Variants in FANK1 observed in about 807,000 individuals in gnomAD.
FANK1 encodes fibronectin type III and ankyrin repeat domains 1.
In FANK1, 44 loss-of-function variants were observed where a neutral mutation model predicts 45.3. The observed-to-expected ratio is 0.97, with a 90% CI of 0.76 to 1.25. FANK1 has a LOEUF of 1.25. Ranked by LOEUF, FANK1 falls within the 50% of genes most tolerant of loss-of-function variation. The probability of loss-of-function intolerance (pLI) is 0.00; values close to 1 mark genes in which losing one functional copy is unlikely to be tolerated. For synonymous variants in FANK1, 149 were observed against 152.5 expected, an observed-to-expected ratio of 0.98 and a Z score of 0.17; for missense variants, 391 against 424.4, an observed-to-expected ratio of 0.92 and a Z score of 0.69.
At chr10:125,965,106 A>G (rs949551425) in intron 1 of FANK1, among the ~76,000 whole-genome samples, 1 of 152,180 alleles carries the variant, frequency 6.6e-6, no homozygotes, top group African/African-American at 2.4e-5. Flanking sequence ...TGTGGCGAGC[A>G]GAGCCAAGAT....
In FANK1 at chr10:126,009,221, G is replaced by A; in HGVS notation, c.928-1G>A. On this transcript the variant is annotated splice_acceptor_variant, in intron 9 of 10. Coordinates refer to ENST00000368693, the MANE Select transcript of FANK1 (RefSeq NM_145235.5). LOFTEE classifies it high-confidence loss of function. The stretch of plus-strand genomic sequence containing the variant: ...AAAATTTTTGTTGTTTCCTGTTTCA[G>A]TTCGGCAAAGGTGTCCTAGAAATGG... 6.2e-7 allele frequency: 1 copy of A among 1,614,174 alleles called. No homozygotes were observed.
intron 1 of FANK1, among the ~76,000 whole-genome samples, chr10:125,957,966 G>C (rs1949686371): frequency 1.3e-5 from 2 of 151,814 alleles, no homozygotes; most frequent in Non-Finnish European, 2.9e-5. Context: ...ATATTTATGG[G>C]GTATATAGTG....
intron 1 of FANK1, among the ~76,000 whole-genome samples, chr10:125,960,843 A>T (rs777919511): frequency 6.6e-6 from 1 of 152,168 alleles, no homozygotes; most frequent in Non-Finnish European, 1.5e-5. Context: ...GCCTCAATGC[A>T]GTCTTTATCA....
In FANK1 at chr10:125,950,254, A is replaced by G. The variant is rs1236765115; in HGVS notation, c.14-29907A>G. Among the ~76,000 whole-genome samples, 3 of 151,480 alleles carry G rather than the reference A, an allele frequency of 2.0e-5. No individual in the cohort carries two copies. The East Asian group carries it at 5.8e-4, about 29-fold the overall frequency. On this transcript the variant is annotated intron_variant, in intron 1 of 10. Coordinates refer to ENST00000368693, the MANE Select transcript of FANK1 (RefSeq NM_145235.5). ...CCAAAAGCAATGGCAGCAAAAGCCA[A>G]AATTGACAAATGGGATCTAATTAAA...
chr10:125,904,892 G>C (rs944261459), intron 1 of FANK1, among the ~76,000 whole-genome samples: 40 of 151,536 alleles, frequency 2.6e-4, no homozygotes, highest in Admixed American at 7.2e-4. Context: ...TTGGGAGGCC[G>C]AGGCGGGCGG....
Position 125,941,034 on chromosome 10 carries a change from C to G in FANK1, c.14-39127C>G, listed in dbSNP as rs565989175. On this transcript the variant is annotated intron_variant, in intron 1 of 10. Coordinates refer to ENST00000368693, the MANE Select transcript of FANK1 (RefSeq NM_145235.5). ...ATGCAGTTTCTTATGTGTTCCTTTT[C>G]TACATAGACATGGTAACAGTCTGAT... 2.0e-5 allele frequency among the ~76,000 whole-genome samples: 3 copies of G among 152,316 alleles called. No individual in the cohort carries two copies. The Middle Eastern group carries it at 0.01, about 518-fold the overall frequency.
chr10:125,957,019 C>G (rs532343365), intron 1 of FANK1, among the ~76,000 whole-genome samples: 1 of 152,116 alleles, frequency 6.6e-6, no homozygotes, highest in Non-Finnish European at 1.5e-5. Context: ...CCAGCACACC[C>G]GGCTGTTTTC....
intron 1 of FANK1, among the ~76,000 whole-genome samples, chr10:125,943,828 G>A (rs1297510609): frequency 6.6e-6 from 1 of 152,188 alleles, no homozygotes; most frequent in African/African-American, 2.4e-5. Flanking sequence ...CAAGAAGAAC[G>A]TGTAACTTGG....
intron 1 of FANK1, among the ~76,000 whole-genome samples, chr10:125,917,837 T>C (rs1490421360): frequency 6.6e-6 from 1 of 152,390 alleles, no homozygotes. Flanking sequence ...AATCCCAACA[T>C]CTTGGAAGGA....
At chr10:125,908,248 G>A (rs72479324) in intron 1 of FANK1, among the ~76,000 whole-genome samples, 8 of 152,018 alleles carry the variant, frequency 5.3e-5, no homozygotes, top group East Asian at 3.9e-4. Flanking sequence ...TGTCTGCCTC[G>A]GCCTCCCAAA....
At chr10:125,934,654 C>CT (rs1172014053) in intron 1 of FANK1, among the ~76,000 whole-genome samples, 1 of 142,488 alleles carries the variant, frequency 7.0e-6, no homozygotes, top group Non-Finnish European at 1.5e-5. Context: ...GCATTGTGTA[C>CT]TGAGCTCTGT....
intron 1 of FANK1, among the ~76,000 whole-genome samples, chr10:125,917,280 A>G (rs1399865099): frequency 6.6e-6 from 1 of 152,190 alleles, no homozygotes; most frequent in East Asian, 1.9e-4. Flanking sequence ...CTATTACAAA[A>G]AAGTAACCGA....
intron 3 of FANK1, among the ~76,000 whole-genome samples, chr10:125,993,355 G>A (rs1414627298): frequency 2.0e-5 from 3 of 152,142 alleles, no homozygotes; most frequent in African/African-American, 7.2e-5. Flanking sequence ...CAACAGAAGG[G>A]GAAACAGTCT....
At chr10:125,926,791 T>C (rs1947374057) in intron 1 of FANK1, among the ~76,000 whole-genome samples, 1 of 152,306 alleles carries the variant, frequency 6.6e-6, no homozygotes, top group East Asian at 1.9e-4. Flanking sequence ...TGAAATCTTT[T>C]TGGTATCTGT....
chr10:125,932,747 G>A (rs1455836837), intron 1 of FANK1, among the ~76,000 whole-genome samples: 1 of 152,122 alleles, frequency 6.6e-6, no homozygotes, highest in African/African-American at 2.4e-5. Flanking sequence ...GTACTATGTT[G>A]AGGAGTGGTG....
intron 1 of FANK1, among the ~76,000 whole-genome samples, chr10:125,932,477 T>C (rs552604620): frequency 6.6e-6 from 1 of 152,042 alleles, no homozygotes; most frequent in South Asian, 2.1e-4. Flanking sequence ...TAAAAGGGGG[T>C]GAGTTCTTGA....
chr10:125,927,667 C>T (rs143620114), intron 1 of FANK1, among the ~76,000 whole-genome samples: 12 of 152,066 alleles, frequency 7.9e-5, no homozygotes, highest in Admixed American at 3.3e-4. Flanking sequence ...CTCCCTGCCT[C>T]GGCCTCCCAA....
At chr10:125,988,829 C>T (rs748224768) in intron 3 of FANK1, 154 bp downstream of exon 3, 2 of 1,163,120 alleles carry the variant, frequency 1.7e-6, no homozygotes, top group Non-Finnish European at 1.3e-6. Context: ...TTGGGCCTTG[C>T]CATAACTTGT....
At chr10:125,949,829 C>G (rs1326502991) in intron 1 of FANK1, among the ~76,000 whole-genome samples, 1 of 148,424 alleles carries the variant, frequency 6.7e-6, no homozygotes, top group Non-Finnish European at 1.5e-5. Context: ...GCCAAAAGAA[C>G]AAAGCTGGAG....
Sources: allele counts gnomAD v4.1 joint callset (sites outside exome capture counted in the v4.1 genomes callset), GRCh38; gene constraint gnomAD v4.1.1; transcripts MANE v1.5; gene names NCBI Gene and HGNC (gene_info 2026-07-23, HGNC 2026-07-21).